Variants in SLC9A9 observed in about 807,000 individuals in gnomAD.
The protein encoded by SLC9A9 is sodium/hydrogen exchanger 9.
In SLC9A9, 62 loss-of-function variants were observed where a neutral mutation model predicts 77.8. That is an observed-to-expected ratio of 0.80 (90% CI 0.65 to 0.98). The LOEUF is 0.98. Ranked by LOEUF, SLC9A9 falls within the 50% of genes least tolerant of loss-of-function variation. SLC9A9 has a pLI of 0.00. For synonymous variants in SLC9A9, 320 were observed against 283.5 expected (o/e 1.13, Z -1.29); for missense variants, 775 against 774.9 (o/e 1.00, Z 0.00).
intron 13 of SLC9A9, among the ~76,000 whole-genome samples, chr3:143,377,029 G>T (rs2033194396): frequency 6.6e-6 from 1 of 152,160 alleles, no homozygotes; most frequent in Non-Finnish European, 1.5e-5. Flanking sequence ...AAGTTTGGGG[G>T]ATGGGTATGT....
intron 12 of SLC9A9, among the ~76,000 whole-genome samples, chr3:143,402,944 A>T (rs1332219279): frequency 1.5e-5 from 2 of 133,624 alleles, no homozygotes; most frequent in African/African-American, 5.2e-5. Context: ...TGGTTGCTCT[A>T]GGTGTTACAA....
intron 4 of SLC9A9, among the ~76,000 whole-genome samples, chr3:143,727,531 C>T (rs905695862): frequency 1.3e-5 from 2 of 152,088 alleles, no homozygotes; most frequent in Non-Finnish European, 2.9e-5. Flanking sequence ...TCTTTAGGAC[C>T]AACACTAGTT....
chr3:143,580,269 G>C (rs1466490455), intron 6 of SLC9A9, among the ~76,000 whole-genome samples: 1 of 152,182 alleles, frequency 6.6e-6, no homozygotes, highest in Admixed American at 6.5e-5. Flanking sequence ...AGAAACAAGA[G>C]TGATGAGAAA....
intron 4 of SLC9A9, among the ~76,000 whole-genome samples, chr3:143,753,478 G>C (rs2006814924): frequency 1.3e-5 from 2 of 152,216 alleles, no homozygotes; most frequent in African/African-American, 4.8e-5. Context: ...GAGAGGAAAA[G>C]AGAGGAAGCC....
chr3:143,366,238 C>T (rs1207381166), intron 13 of SLC9A9, among the ~76,000 whole-genome samples: 1 of 152,178 alleles, frequency 6.6e-6, no homozygotes, highest in Non-Finnish European at 1.5e-5. Context: ...AGGCAGAATG[C>T]TAGTCACATT....
At chr3:143,674,989 G>T (rs1390509123) in intron 5 of SLC9A9, among the ~76,000 whole-genome samples, 3 of 152,140 alleles carry the variant, frequency 2.0e-5, no homozygotes, top group Admixed American at 6.5e-5. Context: ...TAGAAATGGG[G>T]TGTTGGACTT....
At chr3:143,821,321 A>G (rs1576751588) in intron 2 of SLC9A9, among the ~76,000 whole-genome samples, 1 of 152,224 alleles carries the variant, frequency 6.6e-6, no homozygotes, top group Non-Finnish European at 1.5e-5. Flanking sequence ...GCCTAACTTT[A>G]AACATAACTT....
chr3:143,575,889 T>C (rs1214287371), intron 7 of SLC9A9, among the ~76,000 whole-genome samples: 2 of 152,060 alleles, frequency 1.3e-5, no homozygotes, highest in Admixed American at 1.3e-4. Context: ...AGCATTTATC[T>C]CCTTCATAGC....
chr3:143,828,188 A>T (rs1456059137), intron 2 of SLC9A9, among the ~76,000 whole-genome samples: 1 of 152,196 alleles, frequency 6.6e-6, no homozygotes. Context: ...CACAGCTAAG[A>T]TTAAAGAATG....
chr3:143,460,783 G>T (rs1028175309), intron 12 of SLC9A9, among the ~76,000 whole-genome samples: 1 of 152,124 alleles, frequency 6.6e-6, no homozygotes, highest in Non-Finnish European at 1.5e-5. Flanking sequence ...CATAACAATT[G>T]TTATAAACCT....
Position 143,266,344 on chromosome 3 carries a change from C to T in SLC9A9, c.*358G>A, listed in dbSNP as rs1211951391. The T allele has an allele frequency of 5.4e-6, 3 of 558,194 alleles. No homozygotes were observed. Among genetic ancestry groups the T allele is most frequent in the Non-Finnish European group, 9.6e-6 (3 of 313,680 alleles). The allele number at this position is 558,194 out of a possible 1,614,324, so 34.6% of individuals were successfully genotyped here. ...CTCTCCTTAATGGAGGGAATAAAAT[C>T]CAGAATAGAAGTGAAGGGCCTGGAG... On this transcript the variant is annotated 3_prime_UTR_variant, in exon 16 of 16. Coordinates refer to ENST00000316549, the MANE Select transcript of SLC9A9 (RefSeq NM_173653.4).
At chr3:143,514,581 T>A (rs1203217991) in intron 9 of SLC9A9, among the ~76,000 whole-genome samples, 1 of 152,258 alleles carries the variant, frequency 6.6e-6, no homozygotes, top group Non-Finnish European at 1.5e-5. Context: ...CTAGATCCTC[T>A]GGATAACTTG....
At chr3:143,556,764 C>G (rs2036990038) in intron 8 of SLC9A9, among the ~76,000 whole-genome samples, 2 of 152,154 alleles carry the variant, frequency 1.3e-5, no homozygotes, top group Non-Finnish European at 2.9e-5. Flanking sequence ...TTTTCTGAGT[C>G]AATCCTCGTT....
At chr3:143,333,165 C>T (rs1361516582) in intron 14 of SLC9A9, among the ~76,000 whole-genome samples, 3 of 152,150 alleles carry the variant, frequency 2.0e-5, no homozygotes, top group Admixed American at 2.0e-4. Context: ...GCACATTGCA[C>T]AATTGTCCTG....
intron 4 of SLC9A9, among the ~76,000 whole-genome samples, chr3:143,718,497 C>T (rs150963471): frequency 1.8e-3 from 274 of 152,268 alleles, no homozygotes; most frequent in African/African-American, 6.4e-3. Flanking sequence ...ACCAATGTGC[C>T]CGCGAGATTG....
At chr3:143,831,305 T>C (rs1220547345) in intron 2 of SLC9A9, among the ~76,000 whole-genome samples, 1 of 152,130 alleles carries the variant, frequency 6.6e-6, no homozygotes, top group Non-Finnish European at 1.5e-5. Context: ...TGATCCAGGG[T>C]TTACAAGGCA....
At chr3:143,302,008 C>G (rs973670623) in intron 14 of SLC9A9, among the ~76,000 whole-genome samples, 2 of 152,178 alleles carry the variant, frequency 1.3e-5, no homozygotes, top group Non-Finnish European at 2.9e-5. Context: ...TCCTCCTTCA[C>G]CCTAGGAAGA....
At chr3:143,294,213 A>G (rs1180145870) in intron 14 of SLC9A9, among the ~76,000 whole-genome samples, 1 of 152,218 alleles carries the variant, frequency 6.6e-6, no homozygotes, top group Admixed American at 6.5e-5. Context: ...CTTAACCTCA[A>G]ATAAAACTAA....
intron 4 of SLC9A9, among the ~76,000 whole-genome samples, chr3:143,711,147 A>G (rs1180072308): frequency 6.6e-6 from 1 of 152,208 alleles, no homozygotes; most frequent in Admixed American, 6.5e-5. Flanking sequence ...AACCACATAA[A>G]TATATTTTTG....
Sources: allele counts gnomAD v4.1 joint callset (sites outside exome capture counted in the v4.1 genomes callset), GRCh38; gene constraint gnomAD v4.1.1; transcripts MANE v1.5; gene names NCBI Gene and HGNC (gene_info 2026-07-23, HGNC 2026-07-21).